The following CFAP46 variants were observed in gnomAD, a reference collection of about 807,000 sequenced individuals.
CFAP46 encodes the protein cilia- and flagella-associated protein 46.
A neutral mutation model predicts 325.7 loss-of-function variants in CFAP46; 245 were observed. That is an observed-to-expected ratio of 0.75 (90% CI 0.68 to 0.84). The LOEUF is 0.84. CFAP46 is among the 40% of genes least tolerant of loss of function. The pLI is 0.00. For missense variants in CFAP46, 3,346 were observed against 3,543.0 expected, an observed-to-expected ratio of 0.94 and a Z score of 1.41; for synonymous variants, 1,523 against 1,495.9, an observed-to-expected ratio of 1.02 and a Z score of -0.42.
At chr10:132,880,541 C>T (rs1160257884) in intron 28 of CFAP46, among the ~76,000 whole-genome samples, 5 of 152,250 alleles carry the variant, frequency 3.3e-5, no homozygotes, top group African/African-American at 7.2e-5. Flanking sequence ...TGGGCCGGCC[C>T]AGCTGTGTGC....
chr10:132,824,748 CTGTG>C (rs1247919720), intron 50 of CFAP46, among the ~76,000 whole-genome samples: 2 of 81,866 alleles, frequency 2.4e-5, no homozygotes, highest in Non-Finnish European at 4.3e-5. Context: ...GTGCTGTGTG[CTGTG>C]TGAGTGCTGA....
chr10:132,923,056 C>T (rs942303484), intron 11 of CFAP46, among the ~76,000 whole-genome samples: 3 of 152,186 alleles, frequency 2.0e-5, no homozygotes, highest in Admixed American at 2.0e-4. Flanking sequence ...CGGCAGGGGT[C>T]GGGGTGCAGG....
chr10:132,834,845 C>T (rs916861725), intron 47 of CFAP46, 70 bp from the exon 48 acceptor site: 6 of 1,531,536 alleles, frequency 3.9e-6, no homozygotes, highest in African/African-American at 1.4e-5. Flanking sequence ...GAGGGCCAGG[C>T]CCCTGCAGAA....
intron 50 of CFAP46, among the ~76,000 whole-genome samples, chr10:132,822,979 GTGATGTGTGCTGTGTGTGTGC>G (rs1564766792): frequency 2.3e-5 from 3 of 132,522 alleles, no homozygotes; most frequent in Non-Finnish European, 3.2e-5. Context: ...TGTGTGTGCA[GTGATGTGTGCTGTGTGTGTGC>G]TGATGTGTGC....
chr10:132,810,387 G>C, intron 57 of CFAP46, 22 bp downstream of exon 57: 1 of 1,610,310 alleles, frequency 6.2e-7, no homozygotes, highest in East Asian at 2.2e-5. Context: ...AGGCCGCGGG[G>C]TGCAGGCCGC....
rs1786456199 is a variant in CFAP46, at chr10:132,934,765, T to TA, written c.852dup (p.Ile285TyrfsTer3). The TA allele has an allele frequency of 6.2e-7, 1 of 1,602,272 alleles. No homozygotes were observed. ...ACAAACACTTACTTTTCTTCACTGA[T>TA]AGAGGGAAAGCGCTGGTGGTTGTAA... is the stretch of plus-strand genomic sequence containing the variant. On this transcript the variant is annotated frameshift_variant, in exon 8 of 58. Coordinates refer to ENST00000368586, the MANE Select transcript of CFAP46 (RefSeq NM_001200049.3). LOFTEE classifies it high-confidence loss of function.
chr10:132,858,604 A>G (rs574881255), intron 38 of CFAP46, among the ~76,000 whole-genome samples: 2 of 152,036 alleles, frequency 1.3e-5, no homozygotes, highest in Non-Finnish European at 2.9e-5. Flanking sequence ...CGGCCGCGCT[A>G]CAGAGCCATG....
chr10:132,941,910 G>C, intron 2 of CFAP46, 70 bp downstream of exon 2: 1 of 1,535,962 alleles, frequency 6.5e-7, no homozygotes, highest in Non-Finnish European at 8.8e-7. Context: ...CTCTGCATCC[G>C]CTGCACACCC....
At chr10:132,833,961 G>T in intron 49 of CFAP46, 80 bp downstream of exon 49, 2 of 1,365,444 alleles carry the variant, frequency 1.5e-6, no homozygotes, top group Non-Finnish European at 1.0e-6. Context: ...GGCGTTCCCG[G>T]ATGGGTGGGT....
chr10:132,897,008 A>T (rs1849329264), intron 24 of CFAP46, among the ~76,000 whole-genome samples: 1 of 152,366 alleles, frequency 6.6e-6, no homozygotes, highest in Non-Finnish European at 1.5e-5. Flanking sequence ...ACCATTCACT[A>T]GGGAAAGCAC....
rs1008283087 is a variant in CFAP46 at position 132,913,113 on chromosome 10, G to T, written c.2266C>A (p.Arg756=). The T allele has an allele frequency of 6.5e-7, 1 of 1,550,278 alleles. No homozygotes were observed. Among genetic ancestry groups the T allele is most frequent in the East Asian group, 2.4e-5 (1 of 40,936 alleles). ...AGGGCGTCCACCAGCTCCTTCTGCC[G>T]CCCGGCCAGGATCAGGTGGTGGTTG... ...NHNHHLILAG[R]QKELVDALYH... Residue 756 remains arginine, a synonymous_variant, in exon 18 of 58, where the codon CGG becomes AGG. Coordinates refer to ENST00000368586, the MANE Select transcript of CFAP46 (RefSeq NM_001200049.3).
chr10:132,866,198 C>A (rs1848810660), intron 34 of CFAP46, 27 bp from the exon 35 acceptor site: 2 of 1,489,388 alleles, frequency 1.3e-6, no homozygotes, highest in African/African-American at 1.4e-5. Flanking sequence ...CCCCAGGCGG[C>A]ACGATCCTGA....
Position 132,886,847 on chromosome 10 carries a change from C to T in CFAP46, c.3305-888G>A, listed in dbSNP as rs1261157377. ...TGCCTTGTTGCTGCCCCCGACCCAA[C>T]ACAGCCATGGCGACTAGAATGCTGA... is the stretch of plus-strand genomic sequence containing the variant. On this transcript the variant is annotated intron_variant, in intron 25 of 57. Coordinates refer to ENST00000368586, the MANE Select transcript of CFAP46 (RefSeq NM_001200049.3). The surrounding 1 kb of genome is among the most constrained non-coding windows in gnomAD (Gnocchi z 5.8). 2.0e-5 allele frequency among the ~76,000 whole-genome samples: 3 copies of T among 152,034 alleles called. No individual in the cohort carries two copies. Among genetic ancestry groups the T allele is most frequent in the Admixed American group, 2.0e-4 (3 of 15,282 alleles).
chr10:132,891,801 A>G (rs1849257863), intron 25 of CFAP46, among the ~76,000 whole-genome samples: 1 of 152,248 alleles, frequency 6.6e-6, no homozygotes, highest in Non-Finnish European at 1.5e-5. Flanking sequence ...GTCTTTAGAT[A>G]ATAACTCTTT....
chr10:132,941,877 G>A, intron 2 of CFAP46, 103 bp downstream of exon 2: 2 of 1,512,044 alleles, frequency 1.3e-6, no homozygotes, highest in Admixed American at 4.1e-5. Context: ...TGCCCGGCCA[G>A]GAGCTGCCTC....
At chr10:132,875,030 A>G (rs1313322948) in intron 31 of CFAP46, among the ~76,000 whole-genome samples, 1 of 152,256 alleles carries the variant, frequency 6.6e-6, no homozygotes, top group Non-Finnish European at 1.5e-5. Flanking sequence ...ATCTACAGAC[A>G]AATTACTAAA....
Position 132,877,963 on chromosome 10 carries a change from C to T in CFAP46, c.4130G>A (p.Arg1377Lys), listed in dbSNP as rs552613369. ...CCTCTCATTCTCCTTCTCTTTACTC[C>T]TCTCCTTCTCCTTCTCTTTACTCCT... ...NERSKEKEKE[R>K]SKEKENERSK... Residue 1377 changes from arginine (R) to lysine (K), a missense_variant, in exon 30 of 58, where the codon AGG becomes AAG. By Grantham distance (26) the Arg-to-Lys change is conservative (BLOSUM62 2). Coordinates refer to ENST00000368586, the MANE Select transcript of CFAP46 (RefSeq NM_001200049.3). This position sits in a 1 kb window ranked among gnomAD's most constrained non-coding sequence, Gnocchi z 5.7. The T allele has an allele frequency of 2.6e-5, 41 of 1,549,216 alleles. No homozygotes were observed. In the African/African-American group the frequency reaches 4.4e-4, roughly 17 times the overall value.
chr10:132,925,046 CT>C (rs926766592), intron 10 of CFAP46, among the ~76,000 whole-genome samples, 160 bp from the exon 11 acceptor site: 1 of 152,222 alleles, frequency 6.6e-6, no homozygotes, highest in African/African-American at 2.4e-5. Context: ...CAGAGTGACT[CT>C]TTCTAGGAGG....
intron 44 of CFAP46, 33 bp from the exon 45 acceptor site, chr10:132,836,947 A>G (rs1848260130): frequency 1.3e-5 from 20 of 1,498,962 alleles, no homozygotes; most frequent in Non-Finnish European, 1.8e-5. Flanking sequence ...CAGGGGATGC[A>G]TTTAGGACGC....
Sources: gnomAD v4.1 joint callset for allele counts (sites outside exome capture counted in the v4.1 genomes callset) on GRCh38, gnomAD v4.1.1 for gene constraint, Gnocchi (gnomAD v3.1) non-coding constraint, MANE v1.5 for transcripts, NCBI Gene and HGNC (gene_info 2026-07-23, HGNC 2026-07-21) for gene names.